Variants in RBPJ observed in about 807,000 individuals in gnomAD.
The protein encoded by RBPJ is recombination signal binding protein for immunoglobulin kappa J region, also known as recombining binding protein suppressor of hairless.
Under a neutral mutation model 67.8 loss-of-function variants are expected in RBPJ, and 9 were observed. The observed-to-expected ratio is 0.13, with a 90% CI of 0.08 to 0.23. RBPJ has a LOEUF of 0.23. Among genes scored for constraint, RBPJ ranks in the 10% least tolerant of loss-of-function variants. The pLI, the probability that RBPJ is intolerant of heterozygous loss-of-function variation, is 1.00. For synonymous variants in RBPJ, 198 were observed against 203.3 expected (o/e 0.97, Z 0.22); for missense variants, 305 against 595.6 (o/e 0.51, Z 5.08).
At chr4:26,270,441 A>AAAGAAAG (rs1560238054) in intron 1 of RBPJ, among the ~76,000 whole-genome samples, 40 of 116,360 alleles carry the variant, frequency 3.4e-4, no homozygotes, top group African/African-American at 5.9e-4. Flanking sequence ...AAGAAAGAAG[A>AAAGAAAG]AAGAAAGAAA....
At chr4:26,337,337 T>G (rs754315169) in intron 1 of RBPJ, among the ~76,000 whole-genome samples, 2 of 152,200 alleles carry the variant, frequency 1.3e-5, no homozygotes, top group Non-Finnish European at 2.9e-5. Flanking sequence ...GTACATAATC[T>G]TTTTTAATCT....
chr4:26,128,827 G>A, the RBPJ span, among the ~76,000 whole-genome samples: 255 of 152,290 alleles, frequency 1.7e-3, no homozygotes, highest in Admixed American at 5.0e-3. Flanking sequence ...TCTTATGGTA[G>A]TGAATAAGTT....
chr4:26,371,468 A>G (rs996618355), intron 1 of RBPJ, among the ~76,000 whole-genome samples: 1 of 152,214 alleles, frequency 6.6e-6, no homozygotes, highest in South Asian at 2.1e-4. Context: ...ACTGCCCAGG[A>G]TTAAAAGTTA....
At chr4:26,414,528 A>G (rs1734366557) in intron 3 of RBPJ, among the ~76,000 whole-genome samples, 1 of 152,090 alleles carries the variant, frequency 6.6e-6, no homozygotes, top group Admixed American at 6.6e-5. Context: ...TGTGGCTACT[A>G]TAGTTAATTC....
Position 26,340,872 on chromosome 4 carries a change from G to GA in RBPJ, c.20+19836dup, listed in dbSNP as rs535833238. On this transcript the variant is annotated intron_variant, in intron 1 of 10. Coordinates refer to ENST00000355476, the MANE Select transcript of RBPJ (RefSeq NM_015874.6). ...GACTCCGTCTCAAAAAAAAACAAAAGAAAAAAAAAAAAGAAAGAAAGGTAG... is the reference window on the plus strand; with the variant it reads ...GACTCCGTCTCAAAAAAAAACAAAAGAAAAAAAAAAAAAGAAAGAAAGGTAG... 2.1e-3 allele frequency among the ~76,000 whole-genome samples: 245 copies of GA among 115,446 alleles called. 1 individual carries two copies. Among genetic ancestry groups the GA allele is most frequent in the African/African-American group, 4.5e-3 (138 of 30,998 alleles). 75.7% of individuals were successfully genotyped at this position (115,446 alleles called of 152,430 possible). A position where few individuals can be genotyped will look rare whatever the true frequency, so the allele number is the denominator to read the frequency against.
intron 1 of RBPJ, among the ~76,000 whole-genome samples, chr4:26,385,472 G>A (rs1211759489): frequency 6.6e-6 from 1 of 152,186 alleles, no homozygotes; most frequent in African/African-American, 2.4e-5. Flanking sequence ...ATGGAATCAT[G>A]GATTTGAACC....
At chr4:26,209,212 T>C (rs1718278971) in intron 1 of RBPJ, among the ~76,000 whole-genome samples, 1 of 152,022 alleles carries the variant, frequency 6.6e-6, no homozygotes, top group Non-Finnish European at 1.5e-5. Flanking sequence ...AGTTAAAATG[T>C]TGATTCTATT....
intron 1 of RBPJ, among the ~76,000 whole-genome samples, chr4:26,331,735 C>G (rs376296261): frequency 1.3e-5 from 2 of 152,218 alleles, no homozygotes; most frequent in Non-Finnish European, 2.9e-5. Context: ...TGCTCCTACT[C>G]GAGAACTGGC....
chr4:26,420,994 G>C (rs28714166), intron 5 of RBPJ, among the ~76,000 whole-genome samples: 83 of 152,234 alleles, frequency 5.5e-4, no homozygotes, highest in African/African-American at 2.0e-3. Flanking sequence ...GTGACTGGAG[G>C]GGGTGATGTT....
At chr4:26,320,978 C>T (rs374118694), upstream of RBPJ, 2 of 1,610,500 alleles carry the variant, frequency 1.2e-6, no homozygotes, top group South Asian at 1.1e-5. Flanking sequence ...CCAGGGAAGG[C>T]GTCGGGGGGA....
At chr4:26,168,390 G>C (rs1487281851) in intron 1 of RBPJ, among the ~76,000 whole-genome samples, 2 of 152,220 alleles carry the variant, frequency 1.3e-5, no homozygotes, top group Non-Finnish European at 2.9e-5. Context: ...TAAGAATGTT[G>C]AATGTTGGCC....
At chr4:26,150,610 A>G in the RBPJ span, among the ~76,000 whole-genome samples, 7 of 152,208 alleles carry the variant, frequency 4.6e-5, no homozygotes, top group Admixed American at 2.6e-4. Flanking sequence ...TCCGAAAAAA[A>G]GGGATTGTTG....
chr4:26,191,227 AG>A, intron 1 of RBPJ, among the ~76,000 whole-genome samples: 20 of 125,936 alleles, frequency 1.6e-4, no homozygotes, highest in African/African-American at 5.4e-4. Context: ...AGAGAGAGAG[AG>A]AGAGAGAGAG....
chr4:26,247,017 G>C (rs1391190501), intron 1 of RBPJ, among the ~76,000 whole-genome samples: 3 of 140,712 alleles, frequency 2.1e-5, no homozygotes, highest in Admixed American at 1.5e-4. Flanking sequence ...CTCTCACCCA[G>C]GCAGGAATGC....
intron 2 of RBPJ, among the ~76,000 whole-genome samples, chr4:26,395,411 T>C (rs1732019961): frequency 6.6e-6 from 1 of 152,198 alleles, no homozygotes; most frequent in African/African-American, 2.4e-5. Flanking sequence ...ATTGTGCCAC[T>C]TTACTCCAGC....
chr4:26,239,707 G>GA (rs1719569644), intron 1 of RBPJ, among the ~76,000 whole-genome samples: 1 of 137,742 alleles, frequency 7.3e-6, no homozygotes, highest in African/African-American at 2.6e-5. Context: ...GAGAAGAGAA[G>GA]AAAAAAAGGA....
In RBPJ at chr4:26,221,241, C is replaced by A. The variant is rs1157777321; in HGVS notation, c.-167+57627C>A. 1.6e-4 allele frequency among the ~76,000 whole-genome samples: 25 copies of A among 152,128 alleles called. 1 individual carries two copies. Among genetic ancestry groups the A allele is most frequent in the East Asian group, 1.3e-3 (7 of 5,194 alleles). ...AAGTAGCTGGGACTACAGGCGCCCG[C>A]CACCACGCCCGGCTAATTTTTTGTA... On this transcript the variant is annotated intron_variant, in intron 1 of 4. Transcript: ENST00000512351.
chr4:26,165,329 C>T (rs1287520490), intron 1 of RBPJ, among the ~76,000 whole-genome samples: 6 of 152,180 alleles, frequency 3.9e-5, no homozygotes, highest in African/African-American at 1.4e-4. Context: ...TTATACCTTT[C>T]AAAGTGCCTT....
chr4:26,418,878 G>A (rs1056575077), intron 4 of RBPJ, among the ~76,000 whole-genome samples: 1 of 152,106 alleles, frequency 6.6e-6, no homozygotes, highest in African/African-American at 2.4e-5. Flanking sequence ...GAGTATGGCC[G>A]ACCTATGGGT....
Sources: allele counts gnomAD v4.1 joint callset (sites outside exome capture counted in the v4.1 genomes callset), GRCh38; gene constraint gnomAD v4.1.1; transcripts MANE v1.5; gene names NCBI Gene and HGNC (gene_info 2026-07-23, HGNC 2026-07-21).